The following XYLT1 variants were observed in gnomAD, a reference collection of about 807,000 sequenced individuals.
The protein encoded by XYLT1 is beta-D-xylosyltransferase 1.
XYLT1 carries 36 observed loss-of-function variants against 91.3 expected under a neutral mutation model. The observed-to-expected ratio is 0.39, with a 90% CI of 0.30 to 0.52. The LOEUF (loss-of-function observed/expected upper bound fraction) is 0.52, where lower values mean the gene tolerates loss of function less well. Ranked by LOEUF, XYLT1 falls within the 20% of genes least tolerant of loss-of-function variation. The probability of loss-of-function intolerance (pLI) is 0.68; values close to 1 mark genes in which losing one functional copy is unlikely to be tolerated. For synonymous variants in XYLT1, 588 were observed against 532.0 expected (o/e 1.11, Z -1.45); for missense variants, 1,242 against 1,284.5 (o/e 0.97, Z 0.51).
chr16:17,465,293 C>T (rs1354561882), intron 1 of XYLT1, among the ~76,000 whole-genome samples: 2 of 151,864 alleles, frequency 1.3e-5, no homozygotes, highest in Non-Finnish European at 2.9e-5. Context: ...AGTTCTGCTA[C>T]TCCCCAGCTC....
At chr16:17,468,504 C>G (rs770501352) in intron 1 of XYLT1, among the ~76,000 whole-genome samples, 2 of 152,198 alleles carry the variant, frequency 1.3e-5, no homozygotes, top group African/African-American at 4.8e-5. Context: ...GCTGCTGGAA[C>G]TGCAATTCCA....
chr16:17,292,650 G>A (rs1361275260), intron 2 of XYLT1, among the ~76,000 whole-genome samples: 5 of 152,190 alleles, frequency 3.3e-5, no homozygotes, highest in African/African-American at 1.2e-4. Flanking sequence ...ACTTTGGTAG[G>A]AGACGATGCC....
At chr16:17,166,383 A>C (rs576260139) in intron 5 of XYLT1, among the ~76,000 whole-genome samples, 1 of 152,274 alleles carries the variant, frequency 6.6e-6, no homozygotes, top group African/African-American at 2.4e-5. Context: ...TGACACATAG[A>C]AGGTGCTAAG....
rs768752782 is a variant in XYLT1 at position 17,108,768 on chromosome 16, G to T, written c.2807C>A (p.Thr936Lys). The change falls in exon 12 of 12, where the codon ACG becomes AAG. Residue 936 changes from threonine to lysine, a missense_variant. Coordinates refer to ENST00000261381, the MANE Select transcript of XYLT1 (RefSeq NM_022166.4). ...ACPVMQTCSQ[T>K]AWSSFSPDPK... Reference sequence around the variant, plus strand: ...GTCAGGGCTGAAGGAGCTCCAGGCCGTCTGGCTGCAGGTCTGCATGACCGG... The same window carrying T: ...GTCAGGGCTGAAGGAGCTCCAGGCCTTCTGGCTGCAGGTCTGCATGACCGG... 6.2e-7 allele frequency: 1 copy of T among 1,608,864 alleles called. No individual in the cohort carries two copies. The highest frequency in any genetic ancestry group is 8.5e-7 in the Non-Finnish European group (1 of 1,179,256).
intron 1 of XYLT1, among the ~76,000 whole-genome samples, chr16:17,368,281 G>T (rs1202828477): frequency 6.6e-6 from 1 of 152,162 alleles, no homozygotes; most frequent in Non-Finnish European, 1.5e-5. Context: ...GCAGGGGACG[G>T]ATGGGCCTTC....
At chr16:17,221,856 A>G (rs1368244367) in intron 3 of XYLT1, among the ~76,000 whole-genome samples, 1 of 152,218 alleles carries the variant, frequency 6.6e-6, no homozygotes, top group Non-Finnish European at 1.5e-5. Context: ...GCTGGGCTCA[A>G]CACATGGATC....
chr16:17,260,762 T>C (rs1285627078), intron 2 of XYLT1, among the ~76,000 whole-genome samples: 1 of 152,222 alleles, frequency 6.6e-6, no homozygotes, highest in Non-Finnish European at 1.5e-5. Flanking sequence ...GAGTGAATAG[T>C]TGCAATAGAA....
chr16:17,375,856 CAA>C (rs2035594072), intron 1 of XYLT1, among the ~76,000 whole-genome samples: 1 of 152,262 alleles, frequency 6.6e-6, no homozygotes. Flanking sequence ...GCACCACAGG[CAA>C]AGACCCAGAC....
rs924260 is a variant in XYLT1 at position 17,108,920 on chromosome 16, G to A, written c.2655C>T (p.Pro885=). ...TCCTCCGTGCCTGTTCCACCTGGGC[G>A]GGGTTGATGGGCAGGCTGAGGACGG... is the stretch of plus-strand genomic sequence containing the variant. ...LNPVLSLPIN[P]AQVEQARRNA... Residue 885 remains proline, a synonymous_variant, in exon 12 of 12, where the codon CCC becomes CCT. Coordinates refer to ENST00000261381, the MANE Select transcript of XYLT1 (RefSeq NM_022166.4). 0.014 allele frequency: 22,005 copies of A among 1,600,684 alleles called. 2,592 individuals carry two copies. In the African/African-American group the frequency reaches 0.26, roughly 19 times the overall value.
intron 3 of XYLT1, among the ~76,000 whole-genome samples, chr16:17,231,670 C>T (rs2033158610): frequency 6.6e-6 from 1 of 152,150 alleles, no homozygotes; most frequent in African/African-American, 2.4e-5. Context: ...CAAACCTGGA[C>T]AGCATCATAC....
At chr16:17,176,075 C>T (rs1304872588) in intron 5 of XYLT1, among the ~76,000 whole-genome samples, 1 of 152,160 alleles carries the variant, frequency 6.6e-6, no homozygotes, top group Non-Finnish European at 1.5e-5. Context: ...AGTGACTCTC[C>T]TGGCACTTAG....
At chr16:17,320,922 G>GT (rs2034709353) in intron 2 of XYLT1, among the ~76,000 whole-genome samples, 1 of 152,074 alleles carries the variant, frequency 6.6e-6, no homozygotes. Context: ...TAAAATATAC[G>GT]TAAGGCACTT....
At chr16:17,321,278 C>A (rs1233014958) in intron 2 of XYLT1, among the ~76,000 whole-genome samples, 1 of 150,500 alleles carries the variant, frequency 6.6e-6, no homozygotes, top group Non-Finnish European at 1.5e-5. Flanking sequence ...CTGCCCTCCC[C>A]AACAAACTTT....
chr16:17,277,548 C>T (rs1351621931), intron 2 of XYLT1, among the ~76,000 whole-genome samples: 1 of 152,064 alleles, frequency 6.6e-6, no homozygotes, highest in Non-Finnish European at 1.5e-5. Context: ...CACCACCACA[C>T]CCAGCTAATT....
chr16:17,359,070 G>A (rs770401401), intron 1 of XYLT1, among the ~76,000 whole-genome samples: 1 of 152,166 alleles, frequency 6.6e-6, no homozygotes, highest in Non-Finnish European at 1.5e-5. Flanking sequence ...AGTTGGTGGT[G>A]TCCAGTGAGT....
intron 3 of XYLT1, among the ~76,000 whole-genome samples, chr16:17,218,130 C>T (rs1056025244): frequency 9.2e-5 from 14 of 151,752 alleles, no homozygotes; most frequent in Admixed American, 2.0e-4. Context: ...TGGTGGTGCG[C>T]GCCTGTAGTT....
chr16:17,274,440 T>C (rs1395904582), intron 2 of XYLT1, among the ~76,000 whole-genome samples: 2 of 152,248 alleles, frequency 1.3e-5, no homozygotes, highest in Admixed American at 6.5e-5. Context: ...TATTTGGGTG[T>C]CCACTCCCTG....
chr16:17,348,130 G>T (rs1207552730), intron 2 of XYLT1, among the ~76,000 whole-genome samples: 2 of 152,174 alleles, frequency 1.3e-5, no homozygotes, highest in African/African-American at 2.4e-5. Context: ...AGAAAGGAGA[G>T]GGGTGGAGAG....
At chr16:17,252,596 G>A (rs2033558934) in intron 3 of XYLT1, among the ~76,000 whole-genome samples, 1 of 152,192 alleles carries the variant, frequency 6.6e-6, no homozygotes, top group South Asian at 2.1e-4. Context: ...TGGAGCTGGG[G>A]CTTCCTTCTA....
Sources: gnomAD v4.1 joint callset for allele counts (sites outside exome capture counted in the v4.1 genomes callset) on GRCh38, gnomAD v4.1.1 for gene constraint, MANE v1.5 for transcripts, NCBI Gene and HGNC (gene_info 2026-07-23, HGNC 2026-07-21) for gene names.